The following CSMD1 variants were observed in gnomAD, a reference collection of about 807,000 sequenced individuals.
CSMD1 encodes CUB and sushi domain-containing protein 1.
A neutral mutation model predicts 417.5 loss-of-function variants in CSMD1; 213 were observed. That is an observed-to-expected ratio of 0.51 (90% confidence interval 0.46 to 0.57). The LOEUF (loss-of-function observed/expected upper bound fraction) is 0.57. Among genes scored for constraint, CSMD1 ranks in the 20% least tolerant of loss-of-function variants. The pLI, the probability that CSMD1 is intolerant of heterozygous loss-of-function variation, is 0.00. For missense variants in CSMD1, 6,923 were observed against 4,529.7 expected (o/e 1.53, Z -15.17); for synonymous variants, 2,862 against 1,736.8 (o/e 1.65, Z -16.11).
At chr8:3,274,178 G>A (rs1357160741) in intron 26 of CSMD1, among the ~76,000 whole-genome samples, 11 of 151,422 alleles carry the variant, frequency 7.3e-5, no homozygotes, top group South Asian at 2.1e-4. Context: ...CCTTCATTTC[G>A]TTATGTACCC....
At chr8:4,342,378 T>C (rs765790833) in intron 3 of CSMD1, among the ~76,000 whole-genome samples, 6 of 152,132 alleles carry the variant, frequency 3.9e-5, no homozygotes, top group Non-Finnish European at 7.4e-5. Flanking sequence ...CTATCACATA[T>C]GTTTATTATA....
chr8:3,783,384 C>G (rs1159406744), intron 5 of CSMD1, among the ~76,000 whole-genome samples: 2 of 152,224 alleles, frequency 1.3e-5, no homozygotes, highest in Non-Finnish European at 2.9e-5. Flanking sequence ...GTCACATGCC[C>G]CTGGGGTGAC....
Position 4,801,005 on chromosome 8 carries a change from C to T in CSMD1, c.86-163447G>A, listed in dbSNP as rs533600041. Among the ~76,000 whole-genome samples, 4 of 152,256 alleles carry T rather than the reference C, an allele frequency of 2.6e-5. No homozygotes were observed. The South Asian group carries it at 6.2e-4, about 24-fold the overall frequency. On this transcript the variant is annotated intron_variant, in intron 1 of 69. Transcript: ENST00000635120. Reference sequence around the variant, plus strand: ...CCCAAGTTGTAAGCACAACTGCTTGCCTGATGTCTTCAATATCTTGGATTC... The same window carrying T: ...CCCAAGTTGTAAGCACAACTGCTTGTCTGATGTCTTCAATATCTTGGATTC...
chr8:4,342,794 A>T (rs1008426736), intron 3 of CSMD1, among the ~76,000 whole-genome samples: 1 of 152,026 alleles, frequency 6.6e-6, no homozygotes, highest in Non-Finnish European at 1.5e-5. Context: ...GGGACTTGGA[A>T]AGGTGGTTCG....
chr8:3,032,745 T>C (rs1018251384), intron 50 of CSMD1, among the ~76,000 whole-genome samples: 1 of 151,984 alleles, frequency 6.6e-6, no homozygotes, highest in Admixed American at 6.6e-5. Flanking sequence ...ACTCCCTATG[T>C]TTTCTCCTCT....
chr8:4,178,081 G>A (rs978024750), intron 3 of CSMD1, among the ~76,000 whole-genome samples: 5 of 152,132 alleles, frequency 3.3e-5, no homozygotes, highest in Admixed American at 6.5e-5. Context: ...CTCATTTTAT[G>A]AGGCCAGCAT....
At chr8:4,135,216 G>A (rs1050162664) in intron 3 of CSMD1, among the ~76,000 whole-genome samples, 6 of 152,008 alleles carry the variant, frequency 3.9e-5, no homozygotes, top group Admixed American at 2.6e-4. Context: ...ACAATGTTGA[G>A]AATTAAGCTG....
chr8:3,767,873 T>C (rs1326121017), intron 5 of CSMD1, among the ~76,000 whole-genome samples: 2 of 152,178 alleles, frequency 1.3e-5, no homozygotes, highest in East Asian at 1.9e-4. Context: ...CGTCTATTTA[T>C]TTATATATCA....
At chr8:3,635,365 T>G (rs1796983104) in intron 7 of CSMD1, among the ~76,000 whole-genome samples, 1 of 151,874 alleles carries the variant, frequency 6.6e-6, no homozygotes, top group Non-Finnish European at 1.5e-5. Context: ...TCCCAGCTAC[T>G]CGGGAGGCTG....
intron 3 of CSMD1, among the ~76,000 whole-genome samples, chr8:4,161,739 C>T (rs978718129): frequency 6.6e-6 from 1 of 152,146 alleles, no homozygotes; most frequent in Non-Finnish European, 1.5e-5. Flanking sequence ...TCATTTTTTA[C>T]TGATTCTGGA....
intron 3 of CSMD1, among the ~76,000 whole-genome samples, chr8:4,375,827 A>T (rs1321895604): frequency 6.6e-6 from 1 of 152,142 alleles, no homozygotes; most frequent in Non-Finnish European, 1.5e-5. Flanking sequence ...AATGTTTTTA[A>T]GCCAAAACAG....
At chr8:3,873,811 C>T (rs11984744) in intron 5 of CSMD1, among the ~76,000 whole-genome samples, 251 of 152,262 alleles carry the variant, frequency 1.6e-3, no homozygotes, top group African/African-American at 5.9e-3. Flanking sequence ...GAAAGAAAAG[C>T]ACACATGGTC....
At chr8:4,883,911 T>C (rs1011676975) in intron 1 of CSMD1, among the ~76,000 whole-genome samples, 1 of 152,084 alleles carries the variant, frequency 6.6e-6, no homozygotes, top group Non-Finnish European at 1.5e-5. Flanking sequence ...ACTGCCAGAC[T>C]GTTTTCCAAA....
intron 3 of CSMD1, among the ~76,000 whole-genome samples, chr8:4,138,038 C>T (rs1384419118): frequency 2.2e-5 from 3 of 135,538 alleles, no homozygotes; most frequent in Non-Finnish European, 4.7e-5. Context: ...CCACCATGCC[C>T]GGCTAATTTT....
intron 40 of CSMD1, among the ~76,000 whole-genome samples, chr8:3,142,895 G>A (rs563542624): frequency 1.3e-5 from 2 of 152,110 alleles, no homozygotes; most frequent in Non-Finnish European, 2.9e-5. Flanking sequence ...TGACACTCAC[G>A]TCCAGAAGTC....
intron 8 of CSMD1, among the ~76,000 whole-genome samples, chr8:3,588,036 G>A (rs566494796): frequency 5.8e-4 from 88 of 152,158 alleles, no homozygotes; most frequent in African/African-American, 2.1e-3. Flanking sequence ...TGCCGCCATC[G>A]TTTTTGATCA....
chr8:4,398,854 A>C (rs1300332162), intron 3 of CSMD1, among the ~76,000 whole-genome samples: 1 of 152,208 alleles, frequency 6.6e-6, no homozygotes, highest in East Asian at 1.9e-4. Flanking sequence ...TCTAATTGAA[A>C]CTTTTAAACC....
At chr8:4,218,511 T>C (rs1367970589) in intron 3 of CSMD1, among the ~76,000 whole-genome samples, 1 of 152,236 alleles carries the variant, frequency 6.6e-6, no homozygotes, top group African/African-American at 2.4e-5. Context: ...TAAATAATAT[T>C]TGCATTTATG....
chr8:3,923,845 A>G (rs917833803), intron 5 of CSMD1, among the ~76,000 whole-genome samples: 2 of 152,208 alleles, frequency 1.3e-5, no homozygotes, highest in South Asian at 2.1e-4. Context: ...CATTCCATAG[A>G]TAAGTGAAAT....
Sources: allele counts gnomAD v4.1 joint callset (sites outside exome capture counted in the v4.1 genomes callset), GRCh38; gene constraint gnomAD v4.1.1; transcripts MANE v1.5; gene names NCBI Gene and HGNC (gene_info 2026-07-23, HGNC 2026-07-21).